Variants in HERC3 observed in about 807,000 individuals in gnomAD.
HERC3 encodes the protein probable E3 ubiquitin-protein ligase HERC3.
In HERC3, 58 loss-of-function variants were observed where a neutral mutation model predicts 129.9. That is an observed-to-expected ratio of 0.45 (90% CI 0.36 to 0.56). The LOEUF (loss-of-function observed/expected upper bound fraction) is 0.56, where lower values mean the gene tolerates loss of function less well. Among genes scored for constraint, HERC3 ranks in the 20% least tolerant of loss-of-function variants. HERC3 has a pLI of 0.00. For synonymous variants in HERC3, 430 were observed against 451.0 expected (o/e 0.95, Z 0.59); for missense variants, 835 against 1,244.2 (o/e 0.67, Z 4.95).
chr4:88,668,932 T>C (rs768922325), intron 14 of HERC3, among the ~76,000 whole-genome samples: 6 of 152,164 alleles, frequency 3.9e-5, no homozygotes, highest in Non-Finnish European at 8.8e-5. Context: ...AAAAGCCTTT[T>C]GGGGGCACAT....
the HERC3 span, among the ~76,000 whole-genome samples, chr4:88,559,166 C>A: frequency 6.6e-6 from 1 of 152,048 alleles, no homozygotes; most frequent in Non-Finnish European, 1.5e-5. Context: ...TGGTGATGAC[C>A]TTGAGCAGTA....
At chr4:88,701,769 A>G (rs564314210) in intron 23 of HERC3, among the ~76,000 whole-genome samples, 4 of 150,284 alleles carry the variant, frequency 2.7e-5, no homozygotes, top group Non-Finnish European at 4.4e-5. Flanking sequence ...TTATGTTTTT[A>G]TACTTTTTAT....
At chr4:88,558,376 TA>T in the HERC3 span, among the ~76,000 whole-genome samples, 3 of 152,302 alleles carry the variant, frequency 2.0e-5, no homozygotes, top group African/African-American at 7.2e-5. Context: ...CGGAGGCCAT[TA>T]TTCTAAGCAA....
chr4:88,598,274 G>C (rs1722609499), intron 2 of HERC3, among the ~76,000 whole-genome samples: 2 of 152,120 alleles, frequency 1.3e-5, no homozygotes, highest in Non-Finnish European at 2.9e-5. Context: ...GAAGGTTGTC[G>C]TTTAGCATTC....
At chr4:88,682,511 C>A (rs975703078) in intron 21 of HERC3, among the ~76,000 whole-genome samples, 1 of 140,810 alleles carries the variant, frequency 7.1e-6, no homozygotes, top group Non-Finnish European at 1.5e-5. Context: ...TGTGATGTTC[C>A]GCTTCCTGTG....
At position 88,697,037 on chromosome 4, in the gene HERC3, C is replaced by T; in HGVS notation, c.2658-7061C>T. 3 of 588,026 alleles carry T rather than the reference C, an allele frequency of 5.1e-6. No homozygotes were observed. In the South Asian group the frequency reaches 1.4e-4, roughly 28 times the overall value. The allele number at this position is 588,026 out of a possible 1,614,324, so 36.4% of individuals were successfully genotyped here. A position where few individuals can be genotyped will look rare whatever the true frequency, so the allele number is the denominator to read the frequency against. On this transcript the variant is annotated intron_variant, in intron 23 of 25. Transcript: ENST00000402738. ...AAATGAAAGTCAAATTTGAATCGAG[C>T]TGGCCAGGATCTAATTGCTTTAATT...
At chr4:88,575,090 C>CCTT in the HERC3 span, among the ~76,000 whole-genome samples, 1 of 152,126 alleles carries the variant, frequency 6.6e-6, no homozygotes, top group East Asian at 1.9e-4. Flanking sequence ...CTGAGGTCTC[C>CCTT]TTTATCAAAT....
chr4:88,661,158 A>G (rs1007364688), intron 10 of HERC3, among the ~76,000 whole-genome samples: 2 of 152,230 alleles, frequency 1.3e-5, no homozygotes, highest in Non-Finnish European at 2.9e-5. Flanking sequence ...AATGGGGGAA[A>G]TAAATAAAAT....
At chr4:88,627,846 G>A (rs895312080) in intron 3 of HERC3, among the ~76,000 whole-genome samples, 7 of 147,504 alleles carry the variant, frequency 4.7e-5, no homozygotes, top group Non-Finnish European at 8.9e-5. Flanking sequence ...AGAGGTTGCA[G>A]TGAGCTGAGA....
At chr4:88,564,605 A>G in the HERC3 span, among the ~76,000 whole-genome samples, 2 of 151,942 alleles carry the variant, frequency 1.3e-5, no homozygotes, top group African/African-American at 4.8e-5. Context: ...TCCATCTCTA[A>G]TTTTATCTGT....
intron 23 of HERC3, among the ~76,000 whole-genome samples, chr4:88,697,999 C>G (rs780178905): frequency 2.0e-5 from 3 of 152,178 alleles, no homozygotes; most frequent in Non-Finnish European, 4.4e-5. Context: ...GGGCCCTCAA[C>G]ACCCGCCTGT....
chr4:88,607,864 C>T (rs1284394027), intron 3 of HERC3, among the ~76,000 whole-genome samples: 1 of 152,150 alleles, frequency 6.6e-6, no homozygotes, highest in East Asian at 1.9e-4. Context: ...GTAAATGAAT[C>T]TTCTTTTGGT....
the HERC3 span, among the ~76,000 whole-genome samples, chr4:88,557,983 A>G: frequency 6.6e-6 from 1 of 150,756 alleles, no homozygotes; most frequent in Non-Finnish European, 1.5e-5. Flanking sequence ...AGGCAGGAGC[A>G]TCACTTGAAC....
At chr4:88,571,841 G>GA in the HERC3 span, among the ~76,000 whole-genome samples, 1 of 152,080 alleles carries the variant, frequency 6.6e-6, no homozygotes, top group Non-Finnish European at 1.5e-5. Context: ...TCAATCAAAT[G>GA]AAAAAAACAT....
the HERC3 span, among the ~76,000 whole-genome samples, chr4:88,559,767 C>T: frequency 6.6e-6 from 1 of 152,108 alleles, no homozygotes; most frequent in Non-Finnish European, 1.5e-5. Flanking sequence ...GATGTCTTTA[C>T]AGGGTGATAA....
chr4:88,678,620 G>A (rs1483019405), intron 19 of HERC3, among the ~76,000 whole-genome samples: 1 of 152,172 alleles, frequency 6.6e-6, no homozygotes, highest in Non-Finnish European at 1.5e-5. Flanking sequence ...CATATATCAT[G>A]CATATTTCCA....
chr4:88,577,617 A>ATATATATATATATATATATAT, the HERC3 span, among the ~76,000 whole-genome samples: 8 of 149,846 alleles, frequency 5.3e-5, no homozygotes, highest in Non-Finnish European at 8.8e-5. Context: ...ATATATATAT[A>ATATATATATATATATATATAT]ATAGGTTTGT....
chr4:88,604,915 T>G (rs1723453270), intron 2 of HERC3, among the ~76,000 whole-genome samples: 2 of 152,180 alleles, frequency 1.3e-5, no homozygotes, highest in African/African-American at 4.8e-5. Flanking sequence ...TGGCCATCAT[T>G]GTGGTGTGAA....
chr4:88,619,299 C>A (rs1195334021), intron 3 of HERC3, among the ~76,000 whole-genome samples: 1 of 152,152 alleles, frequency 6.6e-6, no homozygotes, highest in Admixed American at 6.5e-5. Context: ...TTTAGTCAGG[C>A]TTTCATGCAG....
Sources: allele counts gnomAD v4.1 joint callset (sites outside exome capture counted in the v4.1 genomes callset), GRCh38; gene constraint gnomAD v4.1.1; transcripts MANE v1.5; gene names NCBI Gene and HGNC (gene_info 2026-07-23, HGNC 2026-07-21).